The following SF3B6 variants were observed in gnomAD, a reference collection of about 807,000 sequenced individuals.
The protein encoded by SF3B6 is splicing factor 3b subunit 6, also known as SF3b 14 kDa subunit.
Under a neutral mutation model 15.9 loss-of-function variants are expected in SF3B6, and 3 were observed. That is an observed-to-expected ratio of 0.19 (90% CI 0.09 to 0.49). The LOEUF (loss-of-function observed/expected upper bound fraction) is 0.49. Ranked by LOEUF, SF3B6 falls within the 20% of genes least tolerant of loss-of-function variation. The pLI is 0.97. For missense variants in SF3B6, 71 were observed against 154.3 expected, an observed-to-expected ratio of 0.46 and a Z score of 2.86; for synonymous variants, 49 against 51.1, an observed-to-expected ratio of 0.96 and a Z score of 0.18.
chr2:24,069,943 C>A (rs6714743), intron 2 of SF3B6, among the ~76,000 whole-genome samples: 1 of 152,156 alleles, frequency 6.6e-6, no homozygotes, highest in Non-Finnish European at 1.5e-5. Context: ...TTTAGTGCCA[C>A]GCATAAGGCA....
At chr2:24,075,582 GTTT>G (rs3030919) in intron 1 of SF3B6, among the ~76,000 whole-genome samples, 4 of 140,152 alleles carry the variant, frequency 2.9e-5, no homozygotes, top group African/African-American at 1.0e-4. Flanking sequence ...TCTTTTTTGA[GTTT>G]TTTTTTTTTA....
rs1456601797 is a variant in SF3B6, at chr2:24,068,460, CT to C, written c.150-2del. Reference sequence around the variant, plus strand: ...TCCTCTAGTTTCAGGTGTGTTCCCCCTGGAGAGGTAAGTTAAACTTAATTAA... The same window carrying C: ...TCCTCTAGTTTCAGGTGTGTTCCCCCGGAGAGGTAAGTTAAACTTAATTAA... On this transcript the variant is annotated splice_acceptor_variant, in intron 2 of 3. Coordinates refer to ENST00000233468, the MANE Select transcript of SF3B6 (RefSeq NM_016047.4). LOFTEE classifies it high-confidence loss of function. 6.8e-6 allele frequency: 11 copies of C among 1,606,028 alleles called. No individual in the cohort carries two copies. In the Admixed American group the frequency reaches 1.4e-4, roughly 20 times the overall value.
intron 3 of SF3B6, 79 bp from the exon 4 acceptor site, chr2:24,067,930 G>T: frequency 8.6e-7 from 1 of 1,163,708 alleles, no homozygotes; most frequent in Non-Finnish European, 1.3e-6. Context: ...AGCCAAAAAA[G>T]AAAGTCATAG....
intron 1 of SF3B6, among the ~76,000 whole-genome samples, chr2:24,074,822 A>T (rs529729856): frequency 6.6e-6 from 1 of 152,174 alleles, no homozygotes; most frequent in East Asian, 1.9e-4. Flanking sequence ...CCTATATCAC[A>T]CATCTTTTAA....
In SF3B6 at chr2:24,076,271, C is replaced by T. The variant is rs746962548; in HGVS notation, c.-42G>A. 6.2e-7 allele frequency: 1 copy of T among 1,613,938 alleles called. No homozygotes were observed. The highest frequency in any genetic ancestry group is 1.1e-5 in the South Asian group (1 of 91,076). ...AGTTACCGTAGCAGATACTGAAATT[C>T]CTCCGGAGCTCGCTCGGCTTCGGGG... is the stretch of plus-strand genomic sequence containing the variant. On this transcript the variant is annotated 5_prime_UTR_variant, in exon 1 of 4. Transcript: ENST00000233468.
chr2:24,076,259 G>T lies in SF3B6; in HGVS notation c.-30C>A. ...GCGGGCTGATGAAGTTACCGTAGCA[G>T]ATACTGAAATTCCTCCGGAGCTCGC... On this transcript the variant is annotated 5_prime_UTR_variant, in exon 1 of 4. It adds an upstream start codon to the 5' untranslated region. Transcript: ENST00000233468. 6.2e-7 allele frequency: 1 copy of T among 1,614,188 alleles called. No individual in the cohort carries two copies. Among genetic ancestry groups the T allele is most frequent in the Non-Finnish European group, 8.5e-7 (1 of 1,180,010 alleles).
intron 2 of SF3B6, among the ~76,000 whole-genome samples, chr2:24,069,470 G>A (rs573532145): frequency 1.3e-5 from 2 of 152,278 alleles, no homozygotes; most frequent in Admixed American, 1.3e-4. Flanking sequence ...TGGAGACAAT[G>A]GGTAGAGGTC....
At chr2:24,070,663 T>C (rs1664639020) in intron 2 of SF3B6, among the ~76,000 whole-genome samples, 3 of 152,224 alleles carry the variant, frequency 2.0e-5, no homozygotes, top group Admixed American at 1.3e-4. Context: ...TGACTGGGAC[T>C]GTCCAGGTTT....
chr2:24,071,151 C>T (rs538884125), intron 2 of SF3B6, among the ~76,000 whole-genome samples: 6 of 152,202 alleles, frequency 3.9e-5, no homozygotes, highest in Non-Finnish European at 7.4e-5. Context: ...CACCACCACG[C>T]CTGGCTAAGT....
In SF3B6 at chr2:24,068,347, C is replaced by A. The variant is rs1558353063; in HGVS notation, c.262G>T (p.Val88Leu). 6.2e-7 allele frequency: 1 copy of A among 1,613,618 alleles called. No homozygotes were observed. Among genetic ancestry groups the A allele is most frequent in the Non-Finnish European group, 8.5e-7 (1 of 1,179,852 alleles). The change falls in exon 3 of 4, where the codon GTG (valine) becomes TTG (leucine). Residue 88 changes from valine (V) to leucine (L), a missense_variant. This residue lies in a region of SF3B6 where 52 missense variants were observed against 113.2 expected (regional missense o/e 0.46). Transcript: ENST00000233468. ...SGFNVCNRYL[V>L]VLYYNANRAF... is the part of the protein sequence containing the mutation. ...CTGTTGGCATTATAGTACAAAACCA[C>A]AAGGTATCTGTTACAAACATTGAAT...
Position 24,067,870 on chromosome 2 carries a change from C to A in SF3B6, c.289-19G>T, listed in dbSNP as rs758850430. On this transcript the variant is annotated intron_variant, in intron 3 of 3. Coordinates refer to ENST00000233468, the MANE Select transcript of SF3B6 (RefSeq NM_016047.4). ...GAAATGCCTGGAAATGTGGTAAGCA[C>A]CAAAATTAAATTACCAATCTACAGC... is the stretch of plus-strand genomic sequence containing the variant. 10 of 1,605,886 alleles carry A rather than the reference C, an allele frequency of 6.2e-6. No individual in the cohort carries two copies. The highest frequency in any genetic ancestry group is 8.5e-6 in the Non-Finnish European group (10 of 1,174,478).
chr2:24,074,304 TA>T, intron 1 of SF3B6, 110 bp from the exon 2 acceptor site: 1 of 598,520 alleles, frequency 1.7e-6, no homozygotes, highest in Non-Finnish European at 2.9e-6. Flanking sequence ...TGATACGTAA[TA>T]ATAAAAAGCC....
intron 1 of SF3B6, among the ~76,000 whole-genome samples, chr2:24,075,095 C>T (rs1469244138): frequency 6.6e-6 from 1 of 152,118 alleles, no homozygotes; most frequent in Non-Finnish European, 1.5e-5. Flanking sequence ...TGCCACTGCA[C>T]TCCAGCCTGG....
intron 1 of SF3B6, among the ~76,000 whole-genome samples, chr2:24,075,359 G>GTTT (rs776683939): frequency 2.7e-5 from 2 of 72,736 alleles, no homozygotes; most frequent in African/African-American, 8.9e-5. Flanking sequence ...CTTTCTTTCT[G>GTTT]TTTTTTTTTT....
intron 1 of SF3B6, among the ~76,000 whole-genome samples, chr2:24,075,358 T>TTTCTA (rs1664720992): frequency 2.4e-5 from 2 of 84,148 alleles, no homozygotes; most frequent in African/African-American, 8.9e-5. Context: ...TCTTTCTTTC[T>TTTCTA]GTTTTTTTTT....
At chr2:24,073,159 T>C (rs1326250956) in intron 2 of SF3B6, among the ~76,000 whole-genome samples, 3 of 152,222 alleles carry the variant, frequency 2.0e-5, no homozygotes, top group African/African-American at 4.8e-5. Flanking sequence ...CAAGACCTCA[T>C]AGTCCTAAAG....
chr2:24,068,835 TTTTG>T (rs1298576829), intron 2 of SF3B6, among the ~76,000 whole-genome samples: 8 of 151,856 alleles, frequency 5.3e-5, no homozygotes, highest in Admixed American at 1.3e-4. Flanking sequence ...CTTTGTTTTG[TTTTG>T]TTTTTGTTTT....
In SF3B6 at chr2:24,067,612, A is replaced by C. The variant is rs1664579819; in HGVS notation, c.*150T>G. 6.5e-6 allele frequency: 4 copies of C among 615,780 alleles called. No homozygotes were observed. The South Asian group carries it at 8.4e-5, about 13-fold the overall frequency. 38.1% of individuals were successfully genotyped at this position (615,780 alleles called of 1,614,324 possible). On this transcript the variant is annotated 3_prime_UTR_variant, in exon 4 of 4. Transcript: ENST00000233468. Reference sequence around the variant, plus strand: ...TTCACAAAAAGCTACAAGTTTATTAACATAATGTATTCCAATATGTATCAA... The same window carrying C: ...TTCACAAAAAGCTACAAGTTTATTACCATAATGTATTCCAATATGTATCAA...
In SF3B6 at chr2:24,076,135, ATCCACGCCGC is replaced by A. The variant is rs1257107250; in HGVS notation, c.30+55_30+64del. 14 of 1,602,238 alleles carry A rather than the reference ATCCACGCCGC, an allele frequency of 8.7e-6. No homozygotes were observed. The East Asian group carries it at 3.1e-4, about 36-fold the overall frequency. On this transcript the variant is annotated intron_variant, in intron 1 of 3. Coordinates refer to ENST00000233468, the MANE Select transcript of SF3B6 (RefSeq NM_016047.4). ...ACGGAGGAGGAGCAAGAATGCTCCG[ATCCACGCCGC>A]TAAGAAAGTCAAACCCGAAGTTCTC...
Sources: allele counts gnomAD v4.1 joint callset (sites outside exome capture counted in the v4.1 genomes callset), GRCh38; gene constraint gnomAD v4.1.1; regional missense constraint gnomAD v4.1.1; transcripts MANE v1.5; gene names NCBI Gene and HGNC (gene_info 2026-07-23, HGNC 2026-07-21).